ANKS1B: variants seen among roughly 807,000 people sequenced by gnomAD.
ANKS1B encodes ankyrin repeat and sterile alpha motif domain containing 1B.
In ANKS1B, 36 loss-of-function variants were observed where a neutral mutation model predicts 148.3. The observed-to-expected ratio is 0.24, with a 90% CI of 0.19 to 0.32. ANKS1B has a LOEUF of 0.32. ANKS1B is among the 10% of genes least tolerant of loss of function. ANKS1B has a pLI of 1.00. For missense variants in ANKS1B, 1,157 were observed against 1,542.6 expected (o/e 0.75, Z 4.19); for synonymous variants, 542 against 560.8 (o/e 0.97, Z 0.47).
intron 17 of ANKS1B, among the ~76,000 whole-genome samples, chr12:99,035,954 C>T (rs890860172): frequency 1.3e-5 from 2 of 152,186 alleles, no homozygotes; most frequent in Non-Finnish European, 2.9e-5. Context: ...GCTCAGGGCA[C>T]ATCCTGATGC....
Position 98,946,939 on chromosome 12 carries a change from CAAAAAAAA to C in ANKS1B, c.2778+106210_2778+106217del, listed in dbSNP as rs57197334. 4.1e-4 allele frequency among the ~76,000 whole-genome samples: 17 copies of C among 41,580 alleles called. No homozygotes were observed. The East Asian group carries it at 7.8e-3, about 19-fold the overall frequency. 27.3% of individuals were successfully genotyped at this position (41,580 alleles called of 152,430 possible). On this transcript the variant is annotated intron_variant, in intron 17 of 26. Transcript: ENST00000683438. ...TGGGTGACAAAGCAAGATCTTTTCT[CAAAAAAAA>C]AAAAAAAAAAAAAAAAAAAAGTGTG...
intron 4 of ANKS1B, among the ~76,000 whole-genome samples, chr12:99,799,194 T>C (rs7953354): frequency 0.098 from 14,987 of 152,162 alleles, 830 homozygotes; most frequent in Admixed American, 0.14. Flanking sequence ...CATGAAATTG[T>C]GCTGTCTTGG....
rs557614159 is a variant in ANKS1B, at chr12:99,906,112, G to C, written c.134+77992C>G. ...TTATGGGGTATGTTACAAATTATGG[G>C]TGTTCTGGCCACACTCAGAAATTCT... On this transcript the variant is annotated intron_variant, in intron 1 of 26. Transcript: ENST00000683438. Among the ~76,000 whole-genome samples, 6 of 152,260 alleles carry C rather than the reference G, an allele frequency of 3.9e-5. No homozygotes were observed. In the East Asian group the frequency reaches 1.2e-3, roughly 29 times the overall value.
intron 3 of ANKS1B, 39 bp downstream of exon 3, chr12:99,812,107 TGTAAAACTA>T: frequency 6.3e-7 from 1 of 1,581,132 alleles, no homozygotes; most frequent in Non-Finnish European, 8.6e-7. Flanking sequence ...GGCTTTGCCT[TGTAAAACTA>T]GAAAAATTAC....
intron 1 of ANKS1B, among the ~76,000 whole-genome samples, chr12:99,829,411 G>C (rs920195824): frequency 6.6e-6 from 1 of 152,256 alleles, no homozygotes; most frequent in Non-Finnish European, 1.5e-5. Flanking sequence ...AGCACTTTGG[G>C]AGGCTGAGTA....
intron 22 of ANKS1B, among the ~76,000 whole-genome samples, chr12:98,788,262 CAA>C (rs545240585): frequency 1.6e-4 from 18 of 115,374 alleles, no homozygotes; most frequent in African/African-American, 3.2e-4. Context: ...AGAAAACAGA[CAA>C]AAAAAAAAAA....
chr12:99,787,862 C>T (rs1441339477), intron 4 of ANKS1B, among the ~76,000 whole-genome samples: 1 of 152,210 alleles, frequency 6.6e-6, no homozygotes, highest in Non-Finnish European at 1.5e-5. Context: ...GAACTCAGTG[C>T]TGCTTTGCCA....
At chr12:99,648,028 T>C (rs919130423) in intron 9 of ANKS1B, 57 of 1,120,756 alleles carry the variant, frequency 5.1e-5, no homozygotes, top group Non-Finnish European at 6.8e-5. Flanking sequence ...CTCCCTGTTC[T>C]CAGTCACTTG....
chr12:99,205,287 C>A (rs895065689), intron 14 of ANKS1B, among the ~76,000 whole-genome samples: 1 of 152,152 alleles, frequency 6.6e-6, no homozygotes, highest in Non-Finnish European at 1.5e-5. Context: ...TTTTTGTTTT[C>A]TATTTTTGCT....
At chr12:98,997,462 C>T (rs1044024905) in intron 17 of ANKS1B, among the ~76,000 whole-genome samples, 2 of 147,592 alleles carry the variant, frequency 1.4e-5, no homozygotes, top group Non-Finnish European at 1.5e-5. Flanking sequence ...AGTGCAGTGG[C>T]GTGATCTTGG....
intron 14 of ANKS1B, among the ~76,000 whole-genome samples, chr12:99,181,753 T>G (rs1397374831): frequency 6.6e-6 from 1 of 152,036 alleles, no homozygotes; most frequent in African/African-American, 2.4e-5. Context: ...TCAGAATAAA[T>G]GGGGTTTCCA....
chr12:99,393,171 C>T (rs890092398), intron 12 of ANKS1B, among the ~76,000 whole-genome samples: 1 of 152,054 alleles, frequency 6.6e-6, no homozygotes, highest in Non-Finnish European at 1.5e-5. Context: ...AATTCTACCA[C>T]TCCTCACCAC....
At chr12:99,196,939 A>G (rs1420001983) in intron 14 of ANKS1B, among the ~76,000 whole-genome samples, 6 of 152,146 alleles carry the variant, frequency 3.9e-5, no homozygotes, top group Non-Finnish European at 8.8e-5. Flanking sequence ...CAGGGATGAG[A>G]GGGCAGGGCC....
chr12:98,911,553 T>C (rs947989133), intron 17 of ANKS1B, among the ~76,000 whole-genome samples: 6 of 152,182 alleles, frequency 3.9e-5, no homozygotes, highest in African/African-American at 7.2e-5. Flanking sequence ...AATTTGGGGA[T>C]TGTGGTCTTT....
intron 17 of ANKS1B, among the ~76,000 whole-genome samples, chr12:99,022,594 G>A (rs928176149): frequency 2.0e-5 from 3 of 152,032 alleles, no homozygotes; most frequent in African/African-American, 7.2e-5. Context: ...AGGAACTCTA[G>A]TTCAATGTTG....
intron 15 of ANKS1B, among the ~76,000 whole-genome samples, chr12:99,125,872 C>G (rs2064184450): frequency 6.6e-6 from 1 of 151,694 alleles, no homozygotes; most frequent in South Asian, 2.1e-4. Context: ...TATTTGAAAG[C>G]AGCCAGATAT....
At chr12:99,311,436 G>C (rs2083158085) in intron 12 of ANKS1B, among the ~76,000 whole-genome samples, 1 of 152,148 alleles carries the variant, frequency 6.6e-6, no homozygotes. Context: ...GCATATATAT[G>C]AAGGTATAAA....
At chr12:98,793,486 A>G (rs1427472448) in intron 22 of ANKS1B, among the ~76,000 whole-genome samples, 2 of 152,234 alleles carry the variant, frequency 1.3e-5, no homozygotes, top group East Asian at 3.8e-4. Context: ...AAATAGACAC[A>G]TGGGATTACA....
At position 99,373,444 on chromosome 12, in the gene ANKS1B, C is replaced by T. The variant is rs146268657; in HGVS notation, c.1756+26187G>A. 1.4e-4 allele frequency among the ~76,000 whole-genome samples: 21 copies of T among 152,198 alleles called. No individual in the cohort carries two copies. In the South Asian group the frequency reaches 2.1e-3, roughly 15 times the overall value. Reference sequence around the variant, plus strand: ...GAGAAACTATCCCTTCCCTATTAGACGGGTAAGAGTCTCAGTTGCAATGGC... The same window carrying T: ...GAGAAACTATCCCTTCCCTATTAGATGGGTAAGAGTCTCAGTTGCAATGGC... On this transcript the variant is annotated intron_variant, in intron 12 of 26. Coordinates refer to ENST00000683438, the MANE Select transcript of ANKS1B (RefSeq NM_001352186.2).
Sources: allele counts gnomAD v4.1 joint callset (sites outside exome capture counted in the v4.1 genomes callset), GRCh38; gene constraint gnomAD v4.1.1; transcripts MANE v1.5; gene names NCBI Gene and HGNC (gene_info 2026-07-23, HGNC 2026-07-21).